The following ADORA1 variants were observed in gnomAD, a reference collection of about 807,000 sequenced individuals.
The protein encoded by ADORA1 is adenosine A1 receptor, also known as adenosine receptor A1.
Under a neutral mutation model 19.9 loss-of-function variants are expected in ADORA1, and 6 were observed. That is an observed-to-expected ratio of 0.30 (90% CI 0.17 to 0.59). The LOEUF (loss-of-function observed/expected upper bound fraction) is 0.59. Among genes scored for constraint, ADORA1 ranks in the 20% least tolerant of loss-of-function variants. The pLI is 0.87. For missense variants in ADORA1, 302 were observed against 439.2 expected (o/e 0.69, Z 2.79); for synonymous variants, 194 against 188.4 (o/e 1.03, Z -0.24).
rs1303723383 is a variant in ADORA1 at position 203,165,699 on chromosome 1, C to T, written c.780C>T (p.Cys260=). ...LHILNCITLF[C]PSCHKPSILT... is the part of the protein sequence containing the mutation. The stretch of plus-strand genomic sequence containing the variant: ...TCCTCAACTGCATCACCCTCTTCTG[C>T]CCGTCCTGCCACAAGCCCAGCATCC... Residue 260 remains cysteine, a synonymous_variant, in exon 4 of 4, where the codon TGC becomes TGT. Coordinates refer to ENST00000337894, the MANE Select transcript of ADORA1 (RefSeq NM_000674.3). This position sits in a 1 kb window ranked among gnomAD's most constrained non-coding sequence, Gnocchi z 5.9. 1.9e-6 allele frequency: 3 copies of T among 1,610,996 alleles called. No individual in the cohort carries two copies. The highest frequency in any genetic ancestry group is 1.3e-5 in the African/African-American group (1 of 74,906).
At chr1:203,148,963 C>A (rs1448808126) in intron 3 of ADORA1, among the ~76,000 whole-genome samples, 2 of 152,100 alleles carry the variant, frequency 1.3e-5, no homozygotes, top group African/African-American at 4.8e-5. Flanking sequence ...CTGCAACCTC[C>A]GCCGCCCGGG....
In ADORA1 at chr1:203,129,099, G is replaced by A. The variant is rs754921700; in HGVS notation, c.258G>A (p.Pro86=). The change falls in exon 3 of 4, where the codon CCG becomes CCA. Residue 86 remains proline, a synonymous_variant. Transcript: ENST00000337894. ...ACACCTGCCTCATGGTTGCCTGTCC[G>A]GTCCTCATCCTCACCCAGAGCTCCA... is the stretch of plus-strand genomic sequence containing the variant. The part of the protein sequence containing the change: ...YFHTCLMVAC[P]VLILTQSSIL... The A allele has an allele frequency of 5.0e-6, 8 of 1,614,104 alleles. No individual in the cohort carries two copies. The South Asian group carries it at 6.6e-5, about 13-fold the overall frequency.
chr1:203,140,839 G>A (rs1654658273), intron 3 of ADORA1, among the ~76,000 whole-genome samples: 1 of 152,184 alleles, frequency 6.6e-6, no homozygotes, highest in Non-Finnish European at 1.5e-5. Flanking sequence ...TGGCTTCTGG[G>A]ACATTAAGGC....
intron 3 of ADORA1, among the ~76,000 whole-genome samples, chr1:203,157,714 G>A (rs1655239748): frequency 6.6e-6 from 1 of 152,244 alleles, no homozygotes; most frequent in African/African-American, 2.4e-5. Flanking sequence ...TGCACCTGCA[G>A]AATCAGCACC....
chr1:203,151,372 C>T (rs774132944), intron 3 of ADORA1, among the ~76,000 whole-genome samples: 2 of 152,214 alleles, frequency 1.3e-5, no homozygotes, highest in Non-Finnish European at 1.5e-5. Flanking sequence ...TCAGGGAACA[C>T]AGACCCGTTC....
At chr1:203,145,705 A>G (rs1420791031) in intron 3 of ADORA1, among the ~76,000 whole-genome samples, 1 of 152,232 alleles carries the variant, frequency 6.6e-6, no homozygotes, top group Non-Finnish European at 1.5e-5. Context: ...TATGCCTCAC[A>G]GGACTGTGGG....
chr1:203,165,407 G>T lies in ADORA1; in HGVS notation c.488G>T (p.Gly163Val), dbSNP rs768366997. The T allele has an allele frequency of 6.2e-7, 1 of 1,611,926 alleles. No homozygotes were observed. The highest frequency in any genetic ancestry group is 1.1e-5 in the South Asian group (1 of 90,584). ...GCCTGGGCAGCCAACGGCAGCATGGGGGAGCCCGTGATCAAGTGCGAGTTC... is the reference window on the plus strand; with the variant it reads ...GCCTGGGCAGCCAACGGCAGCATGGTGGAGCCCGTGATCAAGTGCGAGTTC... ...ERAWAANGSM[G>V]EPVIKCEFEK... Residue 163 changes from glycine (G) to valine (V), a missense_variant, in exon 4 of 4, where the codon GGG becomes GTG. Gly to Val is a moderately radical substitution (Grantham distance 109, BLOSUM62 -3). Transcript: ENST00000337894. This position sits in a 1 kb window ranked among gnomAD's most constrained non-coding sequence, Gnocchi z 5.9.
chr1:203,154,539 G>T (rs1046319313), intron 3 of ADORA1, among the ~76,000 whole-genome samples: 15 of 152,168 alleles, frequency 9.9e-5, no homozygotes, highest in Admixed American at 9.2e-4. Flanking sequence ...GAGCCCAGGG[G>T]CTGCAGTTGG....
intron 3 of ADORA1, among the ~76,000 whole-genome samples, chr1:203,137,422 A>G (rs185786112): frequency 6.6e-6 from 1 of 152,336 alleles, no homozygotes; most frequent in East Asian, 1.9e-4. Flanking sequence ...GGAAATGGTG[A>G]GCCATTGCAG....
intron 3 of ADORA1, among the ~76,000 whole-genome samples, chr1:203,156,579 G>A (rs1655205717): frequency 6.6e-6 from 1 of 152,172 alleles, no homozygotes; most frequent in South Asian, 2.1e-4. Flanking sequence ...CAAGGAGACT[G>A]GGGGAATGAC....
chr1:203,143,750 T>C (rs1302972851), intron 3 of ADORA1, among the ~76,000 whole-genome samples: 1 of 152,190 alleles, frequency 6.6e-6, no homozygotes. Context: ...GCCCCACCCA[T>C]TCATCCTTCT....
intron 3 of ADORA1, among the ~76,000 whole-genome samples, chr1:203,130,981 T>C (rs2102733774): frequency 6.6e-6 from 1 of 152,330 alleles, no homozygotes; most frequent in East Asian, 1.9e-4. Flanking sequence ...TGTGCAAAAG[T>C]CACTTACCTA....
chr1:203,140,250 G>A (rs551614506), intron 3 of ADORA1, among the ~76,000 whole-genome samples: 1 of 152,304 alleles, frequency 6.6e-6, no homozygotes, highest in South Asian at 2.1e-4. Flanking sequence ...GGGAGCAGCA[G>A]GCGGGGCTTG....
chr1:203,166,056 C>A lies in ADORA1; in HGVS notation c.*156C>A. 1 of 1,023,948 alleles carries A rather than the reference C, an allele frequency of 9.8e-7. No individual in the cohort carries two copies. The highest frequency in any genetic ancestry group is 1.3e-6 in the Non-Finnish European group (1 of 747,174). 63.4% of individuals were successfully genotyped at this position (1,023,948 alleles called of 1,614,324 possible). A position where few individuals can be genotyped will look rare whatever the true frequency, so the allele number is the denominator to read the frequency against. On this transcript the variant is annotated 3_prime_UTR_variant, in exon 4 of 4. Transcript: ENST00000337894. ...GAAGAGATACCCACAGAGTGTGGTC[C>A]CTCCACTAGGAGTTAACTACCCTAC...
At chr1:203,150,565 C>T in intron 3 of ADORA1, 1 of 1,262,136 alleles carries the variant, frequency 7.9e-7, no homozygotes, top group South Asian at 1.3e-5. Context: ...GCTCTACACC[C>T]CTTTGCCTGG....
At chr1:203,134,864 C>G (rs920801971) in intron 3 of ADORA1, among the ~76,000 whole-genome samples, 1 of 152,232 alleles carries the variant, frequency 6.6e-6, no homozygotes, top group Middle Eastern at 3.4e-3. Context: ...GGTTTTATAT[C>G]CTATTTTATT....
intron 3 of ADORA1, among the ~76,000 whole-genome samples, chr1:203,143,823 C>A (rs1256075695): frequency 6.6e-6 from 1 of 151,968 alleles, no homozygotes; most frequent in African/African-American, 2.4e-5. Flanking sequence ...TAAGTCTGTC[C>A]TCAAGGGCAT....
At chr1:203,148,288 T>C (rs1201236552) in intron 3 of ADORA1, among the ~76,000 whole-genome samples, 1 of 152,236 alleles carries the variant, frequency 6.6e-6, no homozygotes, top group Non-Finnish European at 1.5e-5. Context: ...TTCTGGCCAC[T>C]AGCTGTATGA....
chr1:203,165,163 G>A lies in ADORA1; in HGVS notation c.342-98G>A. 6.3e-7 allele frequency: 1 copy of A among 1,588,744 alleles called. No homozygotes were observed. ...TCACCGGGCCCTGGAAGAGGAGGGT[G>A]CTCCTCTTAGAGGCCCCTGGAGGCC... On this transcript the variant is annotated intron_variant, in intron 3 of 3. Coordinates refer to ENST00000337894, the MANE Select transcript of ADORA1 (RefSeq NM_000674.3). This position sits in a 1 kb window ranked among gnomAD's most constrained non-coding sequence, Gnocchi z 5.9.
Sources: gnomAD v4.1 joint callset for allele counts (sites outside exome capture counted in the v4.1 genomes callset) on GRCh38, gnomAD v4.1.1 for gene constraint, Gnocchi (gnomAD v3.1) non-coding constraint, MANE v1.5 for transcripts, NCBI Gene and HGNC (gene_info 2026-07-23, HGNC 2026-07-21) for gene names.